Variants in KCNIP4 observed in about 807,000 individuals in gnomAD.
KCNIP4 encodes Kv channel-interacting protein 4.
KCNIP4 carries 12 observed loss-of-function variants against 34.0 expected under a neutral mutation model. The ratio of observed to expected loss-of-function variants is 0.35; its 90% CI spans 0.23 to 0.57. The LOEUF (loss-of-function observed/expected upper bound fraction) is 0.57. Among genes scored for constraint, KCNIP4 ranks in the 20% least tolerant of loss-of-function variants. KCNIP4 has a pLI of 0.83. For synonymous variants in KCNIP4, 124 were observed against 102.2 expected (o/e 1.21, Z -1.29); for missense variants, 238 against 311.7 (o/e 0.76, Z 1.78).
chr4:21,442,309 C>T (rs990496403), intron 1 of KCNIP4, among the ~76,000 whole-genome samples: 15 of 152,124 alleles, frequency 9.9e-5, no homozygotes, highest in African/African-American at 3.4e-4. Context: ...AGCATCAGTG[C>T]CAAAAGCCCT....
chr4:21,801,558 G>A (rs576875523), intron 1 of KCNIP4, among the ~76,000 whole-genome samples: 2 of 152,046 alleles, frequency 1.3e-5, no homozygotes, highest in Admixed American at 1.3e-4. Context: ...AACACTGCTT[G>A]GAAAATGGTG....
At chr4:20,992,981 T>G (rs182049638) in intron 1 of KCNIP4, among the ~76,000 whole-genome samples, 1 of 125,046 alleles carries the variant, frequency 8.0e-6, no homozygotes, top group African/African-American at 3.2e-5. Context: ...TGAGCCGAGA[T>G]CATGCCACTG....
intron 1 of KCNIP4, among the ~76,000 whole-genome samples, chr4:21,338,388 T>TA (rs1481529633): frequency 2.6e-5 from 4 of 151,688 alleles, no homozygotes; most frequent in South Asian, 2.1e-4. Context: ...CCATTTTTTT[T>TA]AAATACATTG....
Position 20,731,741 on chromosome 4 carries a change from A to C in KCNIP4, c.705+265T>G, listed in dbSNP as rs1364708269. 5 of 985,248 alleles carry C rather than the reference A, an allele frequency of 5.1e-6. No individual in the cohort carries two copies. In the African/African-American group the frequency reaches 8.7e-5, roughly 17 times the overall value. 61.0% of individuals were successfully genotyped at this position (985,248 alleles called of 1,614,324 possible). A position where few individuals can be genotyped will look rare whatever the true frequency, so the allele number is the denominator to read the frequency against. On this transcript the variant is annotated intron_variant, in intron 8 of 8. Coordinates refer to ENST00000382152, the MANE Select transcript of KCNIP4 (RefSeq NM_025221.6). ...GTTTTATCCTCCATGAATACTCTCT[A>C]AGGAATTTGGGAATCAACACAGTAC...
chr4:20,825,225 GTT>G (rs71181592), intron 3 of KCNIP4, among the ~76,000 whole-genome samples: 99 of 113,606 alleles, frequency 8.7e-4, no homozygotes, highest in African/African-American at 3.0e-3. Flanking sequence ...TCAATTTTAC[GTT>G]TTTTTTTTTT....
At chr4:21,517,887 A>C (rs142286216) in intron 1 of KCNIP4, among the ~76,000 whole-genome samples, 149 of 152,266 alleles carry the variant, frequency 9.8e-4, no homozygotes, top group Non-Finnish European at 1.6e-3. Context: ...TAAACTAGGA[A>C]ACTTCTAATA....
At chr4:21,045,587 C>T (rs924650569) in intron 1 of KCNIP4, among the ~76,000 whole-genome samples, 1 of 152,166 alleles carries the variant, frequency 6.6e-6, no homozygotes, top group African/African-American at 2.4e-5. Context: ...TTCTATGCTA[C>T]TTTCCTCTTG....
At chr4:20,750,819 A>G (rs1753476133) in intron 4 of KCNIP4, among the ~76,000 whole-genome samples, 1 of 152,156 alleles carries the variant, frequency 6.6e-6, no homozygotes, top group Admixed American at 6.5e-5. Context: ...CTTTTAGCTC[A>G]TTGGCTCTAG....
At chr4:21,040,927 G>T in intron 1 of KCNIP4, among the ~76,000 whole-genome samples, 1 of 143,374 alleles carries the variant, frequency 7.0e-6, no homozygotes, top group African/African-American at 2.6e-5. Flanking sequence ...TGTGATAAGT[G>T]CATTTTTTTG....
At chr4:20,816,540 C>T (rs1578687925) in intron 3 of KCNIP4, among the ~76,000 whole-genome samples, 2 of 152,196 alleles carry the variant, frequency 1.3e-5, no homozygotes, top group Admixed American at 1.3e-4. Context: ...GCACAACTCG[C>T]ATCATTACAA....
chr4:21,113,397 T>C (rs1024714196), intron 1 of KCNIP4, among the ~76,000 whole-genome samples: 1 of 150,700 alleles, frequency 6.6e-6, no homozygotes, highest in Non-Finnish European at 1.5e-5. Context: ...ATTTTGTTCT[T>C]TTGCCTTCGA....
chr4:21,277,637 T>C (rs746336291), intron 1 of KCNIP4, among the ~76,000 whole-genome samples: 121 of 152,114 alleles, frequency 8.0e-4, no homozygotes, highest in Non-Finnish European at 1.6e-3. Flanking sequence ...TGCTGCAAAG[T>C]CAGAGGTAAA....
intron 1 of KCNIP4, among the ~76,000 whole-genome samples, chr4:21,014,400 C>T (rs1472354911): frequency 6.6e-6 from 1 of 152,088 alleles, no homozygotes; most frequent in Admixed American, 6.6e-5. Flanking sequence ...AATCACCTCG[C>T]CTTAAAGGAA....
rs527971243 is a variant in KCNIP4, at chr4:21,612,960, G to T, written c.61+335611C>A. ...CATTCTTAGTTTTAATAGATGTCAG[G>T]CAAAGAATGCATAAGTAGGCCGTTC... On this transcript the variant is annotated intron_variant, in intron 1 of 8. Coordinates refer to ENST00000382152, the MANE Select transcript of KCNIP4 (RefSeq NM_025221.6). 3.9e-5 allele frequency among the ~76,000 whole-genome samples: 6 copies of T among 152,148 alleles called. No individual in the cohort carries two copies. The East Asian group carries it at 1.2e-3, about 29-fold the overall frequency.
intron 2 of KCNIP4, among the ~76,000 whole-genome samples, chr4:20,869,245 G>T (rs1044750793): frequency 2.0e-4 from 30 of 152,010 alleles, no homozygotes; most frequent in Admixed American, 6.6e-5. Context: ...GTTTAAAAAA[G>T]CTATTAGGAA....
chr4:20,745,172 C>T (rs567652108), intron 5 of KCNIP4, among the ~76,000 whole-genome samples: 12 of 152,084 alleles, frequency 7.9e-5, no homozygotes, highest in Non-Finnish European at 1.5e-4. Context: ...GTAGCCAGCC[C>T]CATCTCTGGC....
intron 1 of KCNIP4, among the ~76,000 whole-genome samples, chr4:21,255,275 T>G (rs1395093031): frequency 1.3e-5 from 1 of 75,548 alleles, no homozygotes; most frequent in Non-Finnish European, 2.5e-5. Flanking sequence ...TGATTAAACA[T>G]GCTTAAATTG....
At chr4:20,846,270 A>G (rs1720358714) in intron 3 of KCNIP4, among the ~76,000 whole-genome samples, 1 of 152,168 alleles carries the variant, frequency 6.6e-6, no homozygotes, top group South Asian at 2.1e-4. Flanking sequence ...ACTATTTGCA[A>G]CTCATCCTGT....
chr4:20,921,155 TAGTA>T (rs1422640483), intron 1 of KCNIP4, among the ~76,000 whole-genome samples: 1 of 151,874 alleles, frequency 6.6e-6, no homozygotes, highest in Non-Finnish European at 1.5e-5. Context: ...ATGGGAAAAA[TAGTA>T]AGACACCTGA....
Sources: gnomAD v4.1 joint callset for allele counts (sites outside exome capture counted in the v4.1 genomes callset) on GRCh38, gnomAD v4.1.1 for gene constraint, MANE v1.5 for transcripts, NCBI Gene and HGNC (gene_info 2026-07-23, HGNC 2026-07-21) for gene names.